Variants in CATSPERB observed in about 807,000 individuals in gnomAD.
The protein encoded by CATSPERB is cation channel sperm-associated auxiliary subunit beta.
Under a neutral mutation model 128.3 loss-of-function variants are expected in CATSPERB, and 93 were observed. The observed-to-expected ratio is 0.72, with a 90% CI of 0.61 to 0.86. CATSPERB has a LOEUF of 0.86. CATSPERB is among the 40% of genes least tolerant of loss of function. CATSPERB has a pLI of 0.00. For synonymous variants in CATSPERB, 381 were observed against 448.8 expected, an observed-to-expected ratio of 0.85 and a Z score of 1.91; for missense variants, 1,153 against 1,329.5, an observed-to-expected ratio of 0.87 and a Z score of 2.06.
At chr14:91,608,517 G>A in intron 21 of CATSPERB, 113 bp from the exon 22 acceptor site, 2 of 643,448 alleles carry the variant, frequency 3.1e-6, no homozygotes, top group Admixed American at 3.3e-5. Context: ...TTTAGCTACA[G>A]GTATTAAAGT....
intron 20 of CATSPERB, among the ~76,000 whole-genome samples, chr14:91,617,377 T>C (rs1659523164): frequency 6.6e-6 from 1 of 152,184 alleles, no homozygotes; most frequent in Non-Finnish European, 1.5e-5. Context: ...GTTTGATAAA[T>C]ATATAAGTAA....
rs116158627 is a variant in CATSPERB at position 91,726,076 on chromosome 14, A to C, written c.80-908T>G. ...TTCCCACACCATCCCCCTTCTAGGT[A>C]GCCATCTGTCCTGCTGAGAGACACC... On this transcript the variant is annotated intron_variant, in intron 2 of 26. Coordinates refer to ENST00000256343, the MANE Select transcript of CATSPERB (RefSeq NM_024764.4). Among the ~76,000 whole-genome samples, 789 of 152,310 alleles carry C rather than the reference A, an allele frequency of 5.2e-3. 7 individuals carry two copies. The highest frequency in any genetic ancestry group is 0.018 in the African/African-American group (737 of 41,560).
At chr14:91,626,054 G>A (rs1894154586) in intron 17 of CATSPERB, among the ~76,000 whole-genome samples, 1 of 152,168 alleles carries the variant, frequency 6.6e-6, no homozygotes, top group African/African-American at 2.4e-5. Flanking sequence ...GAGCCTGTGA[G>A]GTGGAGGTTG....
At chr14:91,597,304 A>C (rs1293476672) in intron 22 of CATSPERB, among the ~76,000 whole-genome samples, 1 of 152,210 alleles carries the variant, frequency 6.6e-6, no homozygotes, top group Non-Finnish European at 1.5e-5. Context: ...TATTTAACCA[A>C]AGTGATAATT....
Position 91,610,844 on chromosome 14 carries a change from G to A in CATSPERB, c.2401-167C>T, listed in dbSNP as rs544819412. 2.0e-5 allele frequency among the ~76,000 whole-genome samples: 3 copies of A among 152,248 alleles called. No individual in the cohort carries two copies. In the East Asian group the frequency reaches 5.8e-4, roughly 29 times the overall value. Reference sequence around the variant, plus strand: ...TAATTAAGGTAAAATGAGGTCATTTGGGTGGGCCCCAATCCAGTGTCACTG... The same window carrying A: ...TAATTAAGGTAAAATGAGGTCATTTAGGTGGGCCCCAATCCAGTGTCACTG... On this transcript the variant is annotated intron_variant, in intron 20 of 26. Transcript: ENST00000256343.
chr14:91,620,374 T>C (rs1894020507), intron 19 of CATSPERB, among the ~76,000 whole-genome samples: 1 of 152,092 alleles, frequency 6.6e-6, no homozygotes, highest in Admixed American at 6.5e-5. Flanking sequence ...TTATGATCAG[T>C]ATCTGGGCCT....
chr14:91,691,407 A>T, intron 10 of CATSPERB, 116 bp downstream of exon 10: 1 of 563,230 alleles, frequency 1.8e-6, no homozygotes, highest in Non-Finnish European at 3.0e-6. Context: ...TTTAAACTAT[A>T]AATAATATAG....
At chr14:91,711,729 T>G (rs1489530459) in intron 5 of CATSPERB, among the ~76,000 whole-genome samples, 7 of 152,214 alleles carry the variant, frequency 4.6e-5, no homozygotes, top group Non-Finnish European at 1.5e-5. Context: ...GACAAAGGCA[T>G]GATAACCCTA....
chr14:91,674,143 A>G, intron 12 of CATSPERB, 33 bp downstream of exon 12: 1 of 1,316,870 alleles, frequency 7.6e-7, no homozygotes, highest in Non-Finnish European at 1.1e-6. Context: ...CCACAACAAA[A>G]TTTCTTAACT....
intron 20 of CATSPERB, among the ~76,000 whole-genome samples, chr14:91,611,525 G>A (rs1412648056): frequency 1.3e-5 from 2 of 152,138 alleles, no homozygotes; most frequent in African/African-American, 4.8e-5. Context: ...CAGGAGAATT[G>A]CTTGAGCCCG....
At chr14:91,722,275 G>T (rs1334522591) in intron 4 of CATSPERB, among the ~76,000 whole-genome samples, 1 of 152,124 alleles carries the variant, frequency 6.6e-6, no homozygotes, top group Non-Finnish European at 1.5e-5. Context: ...GAGCCAAAAA[G>T]TGGGAATAGC....
At chr14:91,657,438 C>T (rs970682783) in intron 15 of CATSPERB, among the ~76,000 whole-genome samples, 4 of 151,976 alleles carry the variant, frequency 2.6e-5, no homozygotes, top group African/African-American at 4.8e-5. Flanking sequence ...TTTGAGGAAA[C>T]TATCCACGAC....
intron 16 of CATSPERB, among the ~76,000 whole-genome samples, chr14:91,638,866 A>T (rs1012712976): frequency 6.6e-6 from 1 of 152,230 alleles, no homozygotes; most frequent in Non-Finnish European, 1.5e-5. Context: ...AGATATTTGC[A>T]TGAAGATATT....
At chr14:91,726,664 T>A (rs557025791) in intron 2 of CATSPERB, among the ~76,000 whole-genome samples, 1 of 152,204 alleles carries the variant, frequency 6.6e-6, no homozygotes, top group African/African-American at 2.4e-5. Flanking sequence ...GAAGAAGTTT[T>A]TGCCTTTGTT....
chr14:91,672,772 G>T lies in CATSPERB; in HGVS notation c.1128+95C>A. The stretch of plus-strand genomic sequence containing the variant: ...TATAGCCAATTTTATAGGTTCTATT[G>T]CCAGACATAACAAGAACTTGAAAAT... On this transcript the variant is annotated intron_variant, in intron 13 of 26. Coordinates refer to ENST00000256343, the MANE Select transcript of CATSPERB (RefSeq NM_024764.4). 4.0e-6 allele frequency: 4 copies of T among 988,936 alleles called. No individual in the cohort carries two copies. The South Asian group carries it at 6.3e-5, about 16-fold the overall frequency. The allele number at this position is 988,936 out of a possible 1,614,324, so 61.3% of individuals were successfully genotyped here. A position where few individuals can be genotyped will look rare whatever the true frequency, so the allele number is the denominator to read the frequency against.
At chr14:91,633,009 T>C (rs1255742822) in intron 17 of CATSPERB, among the ~76,000 whole-genome samples, 1 of 152,158 alleles carries the variant, frequency 6.6e-6, no homozygotes, top group East Asian at 1.9e-4. Context: ...AACTAACCCT[T>C]ATCTTCCTAG....
At chr14:91,599,298 C>T (rs1010720219) in intron 22 of CATSPERB, among the ~76,000 whole-genome samples, 4 of 152,092 alleles carry the variant, frequency 2.6e-5, no homozygotes, top group Admixed American at 6.5e-5. Flanking sequence ...CGATGGCTCA[C>T]GCTGTAATCC....
Position 91,606,001 on chromosome 14 carries a change from C to T in CATSPERB, c.2709+2293G>A, listed in dbSNP as rs1160523470. 2.0e-5 allele frequency among the ~76,000 whole-genome samples: 3 copies of T among 152,072 alleles called. No individual in the cohort carries two copies. In the East Asian group the frequency reaches 5.8e-4, roughly 30 times the overall value. On this transcript the variant is annotated intron_variant, in intron 22 of 26. Coordinates refer to ENST00000256343, the MANE Select transcript of CATSPERB (RefSeq NM_024764.4). Reference sequence around the variant, plus strand: ...GACCAGCCTGGCCAACATGGTGAAACCCCGTCTCTACTAAAAATACAAAAA... The same window carrying T: ...GACCAGCCTGGCCAACATGGTGAAATCCCGTCTCTACTAAAAATACAAAAA...
intron 14 of CATSPERB, among the ~76,000 whole-genome samples, chr14:91,666,782 G>A (rs575669834): frequency 6.6e-6 from 1 of 152,304 alleles, no homozygotes; most frequent in Admixed American, 6.5e-5. Context: ...GCTACTCCTT[G>A]AGGGACTGGT....
Sources: allele counts gnomAD v4.1 joint callset (sites outside exome capture counted in the v4.1 genomes callset), GRCh38; gene constraint gnomAD v4.1.1; transcripts MANE v1.5; gene names NCBI Gene and HGNC (gene_info 2026-07-23, HGNC 2026-07-21).